The following RPL28 variants were observed in gnomAD, a reference collection of about 807,000 sequenced individuals.
RPL28 encodes ribosomal protein L28, also known as large ribosomal subunit protein eL28.
In RPL28, 4 loss-of-function variants were observed where a neutral mutation model predicts 12.5. That is an observed-to-expected ratio of 0.32 (90% CI 0.16 to 0.73). The LOEUF is 0.73. Ranked by LOEUF, RPL28 falls within the 30% of genes least tolerant of loss-of-function variation. The pLI is 0.66. For synonymous variants in RPL28, 91 were observed against 72.5 expected, an observed-to-expected ratio of 1.26 and a Z score of -1.30; for missense variants, 214 against 197.7, an observed-to-expected ratio of 1.08 and a Z score of -0.49.
At position 55,389,086 on chromosome 19, in the gene RPL28, C is replaced by T. The variant is rs1459512038; in HGVS notation, c.*754C>T. 9.1e-6 allele frequency: 9 copies of T among 985,490 alleles called. No individual in the cohort carries two copies. Among genetic ancestry groups the T allele is most frequent in the Non-Finnish European group, 1.1e-5 (9 of 830,062 alleles). The allele number at this position is 985,490 out of a possible 1,614,324, so 61.0% of individuals were successfully genotyped here. ...TGTCACCCAAGCTTTCCTGATTGCC[C>T]AGCCCTCTTGTTTCCTTTGGCCTGT... On this transcript the variant is annotated 3_prime_UTR_variant, in exon 5 of 5. Coordinates refer to ENST00000344063, the MANE Select transcript of RPL28 (RefSeq NM_000991.5).
intron 4 of RPL28, among the ~76,000 whole-genome samples, chr19:55,397,917 T>G (rs921908775): frequency 6.6e-6 from 1 of 151,762 alleles, no homozygotes; most frequent in Non-Finnish European, 1.5e-5. Context: ...AATGTGAGGT[T>G]GGGCGTGGTG....
At chr19:55,387,843 T>C in intron 3 of RPL28, 87 bp from the exon 4 acceptor site, 1 of 1,487,254 alleles carries the variant, frequency 6.7e-7, no homozygotes, top group Non-Finnish European at 8.9e-7. Flanking sequence ...GCTCAGCTTC[T>C]CAATGTGAGA....
chr19:55,391,644 CT>C lies in RPL28; in HGVS notation c.*3313del. ...CTCAACCTCTCTGTGTCTTCGTACC[CT>C]CATCTGTAACATGCGTGTCGATAGA... On this transcript the variant is annotated 3_prime_UTR_variant, in exon 5 of 5. Transcript: ENST00000344063. 2 of 1,545,046 alleles carry C rather than the reference CT, an allele frequency of 1.3e-6. No individual in the cohort carries two copies. Among genetic ancestry groups the C allele is most frequent in the Non-Finnish European group, 1.8e-6 (2 of 1,141,044 alleles).
chr19:55,388,044 G>C lies in RPL28; in HGVS notation c.320G>C (p.Arg107Pro). 3 of 1,613,806 alleles carry C rather than the reference G, an allele frequency of 1.9e-6. No individual in the cohort carries two copies. The highest frequency in any genetic ancestry group is 2.5e-6 in the Non-Finnish European group (3 of 1,179,878). The change falls in exon 4 of 5, where the codon CGC becomes CCC. Residue 107 changes from arginine (R) to proline (P), a missense_variant. By Grantham distance (103) the Arg-to-Pro change is moderately radical (BLOSUM62 -2). Coordinates refer to ENST00000344063, the MANE Select transcript of RPL28 (RefSeq NM_000991.5). Reference protein sequence around the residue: ...IRKNKYRPDLRMAAIRRASAI... With the variant: ...IRKNKYRPDLPMAAIRRASAI... ...AAGAACAAGTACCGCCCCGACCTGCGCATGGTGAGCTGGGGTTTGGGGATC... is the reference window on the plus strand; with the variant it reads ...AAGAACAAGTACCGCCCCGACCTGCCCATGGTGAGCTGGGGTTTGGGGATC...
rs2089974515 is a variant in RPL28 at position 55,389,925 on chromosome 19, A to G, written c.*1593A>G. 7.1e-6 allele frequency: 7 copies of G among 985,340 alleles called. No homozygotes were observed. In the South Asian group the frequency reaches 3.3e-4, roughly 46 times the overall value. 61.0% of individuals were successfully genotyped at this position (985,340 alleles called of 1,614,324 possible). ...CACTGTCCCAGTCCCACTCAGGCCCATCTCTGGCTGGCCTCACTGCGCTGG... is the reference window on the plus strand; with the variant it reads ...CACTGTCCCAGTCCCACTCAGGCCCGTCTCTGGCTGGCCTCACTGCGCTGG... On this transcript the variant is annotated 3_prime_UTR_variant, in exon 5 of 5. Transcript: ENST00000344063.
chr19:55,398,416 A>G (rs912762407), intron 4 of RPL28, among the ~76,000 whole-genome samples: 1 of 152,198 alleles, frequency 6.6e-6, no homozygotes, highest in African/African-American at 2.4e-5. Flanking sequence ...TTACCATCTC[A>G]CTGTTCCAAC....
At chr19:55,387,578 C>T in intron 3 of RPL28, 1 of 1,417,820 alleles carries the variant, frequency 7.1e-7, no homozygotes, top group African/African-American at 1.4e-5. Flanking sequence ...GGGGATGGGC[C>T]TGGGGTTCCT....
chr19:55,401,100 C>T (rs1341904651), intron 4 of RPL28: 1 of 350,972 alleles, frequency 2.8e-6, no homozygotes, highest in East Asian at 5.8e-5. Flanking sequence ...GTTGTGACCG[C>T]TCTACCTCCA....
downstream of RPL28, among the ~76,000 whole-genome samples, chr19:55,393,176 C>T (rs946717474): frequency 3.3e-5 from 5 of 151,462 alleles, no homozygotes; most frequent in Admixed American, 2.6e-4. Context: ...CCAGGCTGTT[C>T]TCTACACAGT....
chr19:55,387,821 C>G (rs976712221), intron 3 of RPL28, 109 bp from the exon 4 acceptor site: 2 of 1,471,678 alleles, frequency 1.4e-6, no homozygotes, highest in African/African-American at 1.4e-5. Flanking sequence ...GCACCCGCCA[C>G]GGGCCCACGC....
intron 3 of RPL28, chr19:55,387,379 TC>T: frequency 6.4e-7 from 1 of 1,551,248 alleles, no homozygotes; most frequent in Non-Finnish European, 8.7e-7. Flanking sequence ...TGGCTAGTGA[TC>T]CTCCTGTCTC....
In RPL28 at chr19:55,388,778, GGAGGAA is replaced by G. The variant is rs1427829966; in HGVS notation, c.*449_*454del. The stretch of plus-strand genomic sequence containing the variant: ...GACCTGGGGGACGACAGACATCACG[GGAGGAA>G]GATGAGATGACTTTTGCATCCAGGG... On this transcript the variant is annotated 3_prime_UTR_variant, in exon 5 of 5. Transcript: ENST00000344063. 1.2e-5 allele frequency: 12 copies of G among 997,410 alleles called. No homozygotes were observed. The highest frequency in any genetic ancestry group is 1.4e-5 in the Non-Finnish European group (12 of 838,400). The allele number at this position is 997,410 out of a possible 1,614,324, so 61.8% of individuals were successfully genotyped here. A position where few individuals can be genotyped will look rare whatever the true frequency, so the allele number is the denominator to read the frequency against.
At chr19:55,397,743 C>T (rs2090033211) in intron 4 of RPL28, among the ~76,000 whole-genome samples, 1 of 140,232 alleles carries the variant, frequency 7.1e-6, no homozygotes, top group African/African-American at 2.6e-5. Context: ...GTGGTGCGTG[C>T]TTATAGTCCC....
chr19:55,386,328 C>G (rs1443704926), intron 1 of RPL28, 22 bp from the exon 2 acceptor site: 3 of 1,610,564 alleles, frequency 1.9e-6, no homozygotes, highest in Non-Finnish European at 2.5e-6. Context: ...CTGACGCTTT[C>G]CCTGTGCCCG....
chr19:55,395,528 C>T (rs1362434988), downstream of RPL28, among the ~76,000 whole-genome samples: 3 of 151,640 alleles, frequency 2.0e-5, no homozygotes, highest in Non-Finnish European at 2.9e-5. Flanking sequence ...ACTGCAAGCT[C>T]CGCCTCCCGG....
At chr19:55,401,566 G>C in intron 4 of RPL28, 1 of 1,610,236 alleles carries the variant, frequency 6.2e-7, no homozygotes, top group South Asian at 1.1e-5. Context: ...CCCAGGGTCG[G>C]TGGAGGAAGC....
intron 4 of RPL28, among the ~76,000 whole-genome samples, chr19:55,402,768 C>A (rs558691858): frequency 4.6e-5 from 7 of 152,264 alleles, no homozygotes; most frequent in Admixed American, 4.6e-4. Context: ...CCAGCAGCCT[C>A]CAATGACACC....
chr19:55,389,397 C>A lies in RPL28; in HGVS notation c.*1065C>A. 1 of 985,362 alleles carries A rather than the reference C, an allele frequency of 1.0e-6. No individual in the cohort carries two copies. The highest frequency in any genetic ancestry group is 1.7e-5 in the African/African-American group (1 of 57,310). The allele number at this position is 985,362 out of a possible 1,614,324, so 61.0% of individuals were successfully genotyped here. ...GAAAGAGTCCTGCTGTTGATCCTCA[C>A]ATGTTTCCTGGGCACCTAACTCTGT... On this transcript the variant is annotated 3_prime_UTR_variant, in exon 5 of 5. Coordinates refer to ENST00000344063, the MANE Select transcript of RPL28 (RefSeq NM_000991.5).
intron 4 of RPL28, chr19:55,400,235 C>A (rs989660990): frequency 1.3e-5 from 2 of 152,200 alleles, no homozygotes; most frequent in Non-Finnish European, 2.9e-5. Flanking sequence ...GTGTTGCCCA[C>A]GTTCGTCTTT....
Sources: allele counts gnomAD v4.1 joint callset (sites outside exome capture counted in the v4.1 genomes callset), GRCh38; gene constraint gnomAD v4.1.1; transcripts MANE v1.5; gene names NCBI Gene and HGNC (gene_info 2026-07-23, HGNC 2026-07-21).